Variants in MPPED2 observed in about 807,000 individuals in gnomAD.
MPPED2 encodes the protein metallophosphoesterase domain containing 2, also known as metallophosphoesterase MPPED2.
In MPPED2, 5 loss-of-function variants were observed where a neutral mutation model predicts 33.0. The ratio of observed to expected loss-of-function variants is 0.15; its 90% CI spans 0.08 to 0.32. MPPED2 has a LOEUF of 0.32. MPPED2 is among the 10% of genes least tolerant of loss of function. The pLI is 1.00. For missense variants in MPPED2, 275 were observed against 372.1 expected, an observed-to-expected ratio of 0.74 and a Z score of 2.15; for synonymous variants, 136 against 141.9, an observed-to-expected ratio of 0.96 and a Z score of 0.29.
At chr11:30,444,825 A>G (rs903618760) in intron 4 of MPPED2, among the ~76,000 whole-genome samples, 2 of 152,154 alleles carry the variant, frequency 1.3e-5, no homozygotes, top group African/African-American at 2.4e-5. Flanking sequence ...ATTATCTTAA[A>G]TCCCCATCAC....
At chr11:30,577,427 T>A (rs1956977848) in intron 2 of MPPED2, among the ~76,000 whole-genome samples, 1 of 152,030 alleles carries the variant, frequency 6.6e-6, no homozygotes, top group South Asian at 2.1e-4. Context: ...AATTTAACAA[T>A]CCCATGCAAA....
At chr11:30,556,099 C>G (rs1008597816) in intron 2 of MPPED2, among the ~76,000 whole-genome samples, 5 of 152,138 alleles carry the variant, frequency 3.3e-5, no homozygotes, top group Admixed American at 2.6e-4. Context: ...CCACTCTCTC[C>G]TGCATTATCA....
chr11:30,470,328 A>G (rs1466999105), intron 4 of MPPED2, among the ~76,000 whole-genome samples: 1 of 152,186 alleles, frequency 6.6e-6, no homozygotes, highest in Non-Finnish European at 1.5e-5. Context: ...GAATATATAA[A>G]TTATAGTTAG....
intron 2 of MPPED2, among the ~76,000 whole-genome samples, chr11:30,558,005 G>A (rs1956062997): frequency 6.6e-6 from 1 of 152,224 alleles, no homozygotes; most frequent in Admixed American, 6.5e-5. Flanking sequence ...TGGAAAATAT[G>A]AAGAACTCTT....
At chr11:30,396,867 A>G (rs923611197) in intron 6 of MPPED2, among the ~76,000 whole-genome samples, 1 of 152,184 alleles carries the variant, frequency 6.6e-6, no homozygotes, top group Non-Finnish European at 1.5e-5. Flanking sequence ...TGGTATGTTT[A>G]TGCCTCAATT....
At chr11:30,568,727 AC>A in intron 2 of MPPED2, among the ~76,000 whole-genome samples, 1 of 152,138 alleles carries the variant, frequency 6.6e-6, no homozygotes, top group South Asian at 2.1e-4. Context: ...AAAAAGCAAA[AC>A]CCCTTATTTA....
intron 3 of MPPED2, among the ~76,000 whole-genome samples, chr11:30,509,047 C>T (rs1952994485): frequency 2.0e-5 from 3 of 152,142 alleles, no homozygotes; most frequent in Admixed American, 1.3e-4. Context: ...ATTTTGGCTA[C>T]AAAATGGCCT....
intron 6 of MPPED2, among the ~76,000 whole-genome samples, chr11:30,396,703 C>G (rs944778291): frequency 6.6e-6 from 1 of 152,028 alleles, no homozygotes; most frequent in Non-Finnish European, 1.5e-5. Context: ...TTTGAATGCT[C>G]TTTTTTCAGT....
intron 4 of MPPED2, among the ~76,000 whole-genome samples, chr11:30,456,201 C>A (rs1306663934): frequency 6.6e-6 from 1 of 152,184 alleles, no homozygotes; most frequent in African/African-American, 2.4e-5. Flanking sequence ...GAAAATTCAA[C>A]TGGAGAAGAG....
Position 30,410,292 on chromosome 11 carries a change from GAAAC to G in MPPED2, c.*1172_*1175del. The G allele has an allele frequency of 1.0e-6, 1 of 985,056 alleles. No homozygotes were observed. Among genetic ancestry groups the G allele is most frequent in the Non-Finnish European group, 1.2e-6 (1 of 829,324 alleles). 61.0% of individuals were successfully genotyped at this position (985,056 alleles called of 1,614,324 possible). On this transcript the variant is annotated 3_prime_UTR_variant, in exon 7 of 7. Transcript: ENST00000358117. ...TATAGAATATCACAATAAATTTAAA[GAAAC>G]AACTGCTTTCCTAAATTTCATTAAC...
At chr11:30,387,374 C>T (rs1353837969) in exon 7 of MPPED2, 2 of 152,296 alleles carry the variant, frequency 1.3e-5, no homozygotes, top group Admixed American at 1.3e-4. Context: ...GGCATATTCC[C>T]AGTCCCCCAT....
At chr11:30,397,280 C>T (rs576459358) in intron 6 of MPPED2, among the ~76,000 whole-genome samples, 4 of 152,056 alleles carry the variant, frequency 2.6e-5, no homozygotes, top group Non-Finnish European at 1.5e-5. Flanking sequence ...TTCTTGTATG[C>T]TAGTTTGTTT....
intron 6 of MPPED2, among the ~76,000 whole-genome samples, chr11:30,404,064 A>G (rs1307223564): frequency 1.3e-5 from 2 of 152,234 alleles, no homozygotes; most frequent in African/African-American, 2.4e-5. Context: ...AGCCATACCC[A>G]GAAGAATACA....
chr11:30,414,606 C>G (rs1273443294), intron 5 of MPPED2, among the ~76,000 whole-genome samples: 1 of 151,604 alleles, frequency 6.6e-6, no homozygotes, highest in Admixed American at 6.6e-5. Context: ...ATTTATTCAG[C>G]CATGGGTTTC....
intron 4 of MPPED2, among the ~76,000 whole-genome samples, chr11:30,423,773 T>C (rs1281880514): frequency 6.6e-6 from 1 of 152,192 alleles, no homozygotes; most frequent in African/African-American, 2.4e-5. Context: ...ACATATGATA[T>C]ATATTAACAC....
At chr11:30,399,285 A>G (rs1003378989) in intron 6 of MPPED2, among the ~76,000 whole-genome samples, 2 of 152,102 alleles carry the variant, frequency 1.3e-5, no homozygotes, top group Non-Finnish European at 2.9e-5. Flanking sequence ...GCTGCATCCA[A>G]TTTTCTCCAT....
At chr11:30,488,831 CATGTAAGAG>C (rs1171343134) in intron 4 of MPPED2, among the ~76,000 whole-genome samples, 1 of 151,348 alleles carries the variant, frequency 6.6e-6, no homozygotes, top group African/African-American at 2.4e-5. Flanking sequence ...TAAACAGAAT[CATGTAAGAG>C]CAGAGTGCAT....
chr11:30,411,301 T>TTAAAA lies in MPPED2; in HGVS notation c.*162_*166dup. ...CTCTGATTTCAAATGGATGCCCCAT[T>TTAAAA]TAAAATAAAATAAAATAAGAAGCAC... is the stretch of plus-strand genomic sequence containing the variant. On this transcript the variant is annotated 3_prime_UTR_variant, in exon 7 of 7. Transcript: ENST00000358117. 4.0e-6 allele frequency: 5 copies of TTAAAA among 1,256,894 alleles called. No individual in the cohort carries two copies. The highest frequency in any genetic ancestry group is 5.0e-6 in the Non-Finnish European group (5 of 993,728). 77.9% of individuals were successfully genotyped at this position (1,256,894 alleles called of 1,614,324 possible). A position where few individuals can be genotyped will look rare whatever the true frequency, so the allele number is the denominator to read the frequency against.
At chr11:30,411,632 A>T (rs778950626) in intron 6 of MPPED2, 46 bp from the exon 7 acceptor site, 2 of 1,528,448 alleles carry the variant, frequency 1.3e-6, no homozygotes, top group East Asian at 4.6e-5. Flanking sequence ...TACAAATGAG[A>T]GTGATGGAAT....
Sources: allele counts gnomAD v4.1 joint callset (sites outside exome capture counted in the v4.1 genomes callset), GRCh38; gene constraint gnomAD v4.1.1; transcripts MANE v1.5; gene names NCBI Gene and HGNC (gene_info 2026-07-23, HGNC 2026-07-21).